Variants in FRMD6 observed in about 807,000 individuals in gnomAD.
FRMD6 encodes the protein FERM domain containing 6, also known as FERM domain-containing protein 6.
FRMD6 carries 37 observed loss-of-function variants against 73.2 expected under a neutral mutation model. That is an observed-to-expected ratio of 0.51 (90% CI 0.39 to 0.66). FRMD6 has a LOEUF of 0.66. Ranked by LOEUF, FRMD6 falls within the 30% of genes least tolerant of loss-of-function variation. The probability of loss-of-function intolerance (pLI) is 0.00; values close to 1 mark genes in which losing one functional copy is unlikely to be tolerated. For synonymous variants in FRMD6, 273 were observed against 282.2 expected, an observed-to-expected ratio of 0.97 and a Z score of 0.33; for missense variants, 714 against 780.5, an observed-to-expected ratio of 0.91 and a Z score of 1.02.
At chr14:51,435,416 AT>A in the FRMD6 span, among the ~76,000 whole-genome samples, 35,641 of 141,720 alleles carry the variant, frequency 0.25, 4,730 homozygotes, top group Middle Eastern at 0.31. Context: ...TCCCATCTCT[AT>A]TTAAAAAAAA....
At chr14:51,456,890 G>A in the FRMD6 span, among the ~76,000 whole-genome samples, 1 of 152,078 alleles carries the variant, frequency 6.6e-6, no homozygotes, top group African/African-American at 2.4e-5. Flanking sequence ...AATAAGCTAG[G>A]CATCAAAAGA....
chr14:51,699,667 T>C (rs143751076), intron 3 of FRMD6, among the ~76,000 whole-genome samples: 2 of 152,156 alleles, frequency 1.3e-5, no homozygotes, highest in East Asian at 3.9e-4. Flanking sequence ...TTTGCAGGAT[T>C]AATGTGCTTT....
In FRMD6 at chr14:51,712,540, T is replaced by C. The variant is rs993321424; in HGVS notation, c.838T>C (p.Leu280=). Residue 280 remains leucine (L), a synonymous_variant, in exon 9 of 14, where the codon TTG becomes CTG. Coordinates refer to ENST00000344768, the MANE Select transcript of FRMD6 (RefSeq NM_001267046.2). The part of the protein sequence containing the change: ...YDFPWTNVGK[L]VFVGKKFEIL... ...TTTCCCCTGGACAAATGTTGGAAAA[T>C]TGGTGTTTGTGGTAAGTTTAAAATA... 4.4e-6 allele frequency: 7 copies of C among 1,597,284 alleles called. No individual in the cohort carries two copies. The African/African-American group carries it at 9.4e-5, about 21-fold the overall frequency.
chr14:51,528,118 G>T lies in FRMD6; in HGVS notation c.-210+38698G>T, dbSNP rs576930532. Among the ~76,000 whole-genome samples the T allele has an allele frequency of 2.0e-5, 3 of 152,184 alleles. No homozygotes were observed. In the South Asian group the frequency reaches 6.2e-4, roughly 32 times the overall value. On this transcript the variant is annotated intron_variant, in intron 1 of 14. Transcript: ENST00000356218. Reference sequence around the variant, plus strand: ...GATCATGCCACTGCACTCCAGCCGGGGTGACAGAGCAAGACGCTGTCTCAA... The same window carrying T: ...GATCATGCCACTGCACTCCAGCCGGTGTGACAGAGCAAGACGCTGTCTCAA...
At chr14:51,495,465 A>G (rs1046409093) in intron 1 of FRMD6, among the ~76,000 whole-genome samples, 14 of 152,220 alleles carry the variant, frequency 9.2e-5, no homozygotes, top group African/African-American at 3.4e-4. Flanking sequence ...AGTCAAATAG[A>G]ATGACAAATT....
chr14:51,410,778 T>C, the FRMD6 span, among the ~76,000 whole-genome samples: 1 of 152,228 alleles, frequency 6.6e-6, no homozygotes, highest in African/African-American at 2.4e-5. Context: ...AACAGAATTA[T>C]TTTGTACATG....
chr14:51,416,236 T>A, the FRMD6 span, among the ~76,000 whole-genome samples: 15 of 152,228 alleles, frequency 9.9e-5, no homozygotes, highest in African/African-American at 3.4e-4. Context: ...TTCTTTTAAT[T>A]GTGATGTTAG....
chr14:51,525,921 A>T (rs1048655512), intron 1 of FRMD6, among the ~76,000 whole-genome samples: 3 of 152,160 alleles, frequency 2.0e-5, no homozygotes, highest in Non-Finnish European at 4.4e-5. Context: ...GTAACCATAC[A>T]AGTGCAAGAT....
the FRMD6 span, among the ~76,000 whole-genome samples, chr14:51,448,928 A>G: frequency 2.8e-4 from 43 of 152,324 alleles, no homozygotes; most frequent in East Asian, 2.9e-3. Context: ...GTAAGCCTCA[A>G]AAAGCTTGTT....
chr14:51,509,873 G>A (rs1884194738), intron 1 of FRMD6, among the ~76,000 whole-genome samples: 3 of 152,082 alleles, frequency 2.0e-5, no homozygotes, highest in South Asian at 4.1e-4. Flanking sequence ...TGATCCACCC[G>A]TCTTGGTCTC....
At chr14:51,677,109 A>G (rs926037878) in intron 1 of FRMD6, among the ~76,000 whole-genome samples, 2 of 151,864 alleles carry the variant, frequency 1.3e-5, no homozygotes, top group Admixed American at 6.6e-5. Flanking sequence ...TTAATGTACC[A>G]TATTTTATTT....
the FRMD6 span, among the ~76,000 whole-genome samples, chr14:51,409,878 C>G: frequency 2.6e-4 from 40 of 152,314 alleles, no homozygotes; most frequent in South Asian, 3.1e-3. Context: ...TGTGAGCCAC[C>G]ACGCCCGGCC....
At chr14:51,409,834 G>A in the FRMD6 span, among the ~76,000 whole-genome samples, 5 of 152,166 alleles carry the variant, frequency 3.3e-5, no homozygotes, top group South Asian at 2.1e-4. Context: ...AGTGATCCAT[G>A]CACGCCAGGC....
intron 13 of FRMD6, among the ~76,000 whole-genome samples, chr14:51,726,938 G>A (rs1566603629): frequency 6.6e-6 from 1 of 152,054 alleles, no homozygotes. Flanking sequence ...ATAATACCTG[G>A]TTTCCTTAAA....
chr14:51,661,990 A>G (rs890217928), intron 1 of FRMD6, among the ~76,000 whole-genome samples: 1 of 152,110 alleles, frequency 6.6e-6, no homozygotes, highest in Admixed American at 6.6e-5. Context: ...GCTTTTCCCT[A>G]GTTATTATTG....
At chr14:51,625,553 G>A (rs1038776225) in intron 2 of FRMD6, among the ~76,000 whole-genome samples, 18 of 151,986 alleles carry the variant, frequency 1.2e-4, no homozygotes, top group African/African-American at 4.1e-4. Flanking sequence ...CCTGGACCCT[G>A]ACTGGAACTG....
At chr14:51,568,512 A>C (rs1336024400) in intron 1 of FRMD6, among the ~76,000 whole-genome samples, 1 of 152,242 alleles carries the variant, frequency 6.6e-6, no homozygotes, top group Non-Finnish European at 1.5e-5. Context: ...CGAACACTGC[A>C]AGAAACTTTT....
chr14:51,572,994 A>G (rs1043157807), intron 2 of FRMD6, among the ~76,000 whole-genome samples: 2 of 152,236 alleles, frequency 1.3e-5, no homozygotes, highest in South Asian at 2.1e-4. Context: ...GCTTTCATAG[A>G]CAACACTTTC....
chr14:51,720,105 A>C lies in FRMD6; in HGVS notation c.1075A>C (p.Met359Leu), dbSNP rs761894934. 6.2e-7 allele frequency: 1 copy of C among 1,613,650 alleles called. No individual in the cohort carries two copies. The highest frequency in any genetic ancestry group is 1.3e-5 in the African/African-American group (1 of 74,920). The change falls in exon 11 of 14, where the codon ATG becomes CTG. Residue 359 changes from methionine to leucine, a missense_variant. Transcript: ENST00000344768. ...CATCAGTGACAACCTGGACCTCGAC[A>C]TGGACCAGCTGGAAAAACGGTCGCG... is the stretch of plus-strand genomic sequence containing the variant. ...SYISDNLDLD[M>L]DQLEKRSRAS...
Sources: gnomAD v4.1 joint callset for allele counts (sites outside exome capture counted in the v4.1 genomes callset) on GRCh38, gnomAD v4.1.1 for gene constraint, MANE v1.5 for transcripts, NCBI Gene and HGNC (gene_info 2026-07-23, HGNC 2026-07-21) for gene names.